The following SPTB variants were observed in gnomAD, a reference collection of about 807,000 sequenced individuals.
The protein encoded by SPTB is spectrin beta chain, erythrocytic.
In SPTB, 45 loss-of-function variants were observed where a neutral mutation model predicts 256.2. The observed-to-expected ratio is 0.18, with a 90% CI of 0.14 to 0.23. The LOEUF (loss-of-function observed/expected upper bound fraction) is 0.23, where lower values mean the gene tolerates loss of function less well. Ranked by LOEUF, SPTB falls within the 10% of genes least tolerant of loss-of-function variation. SPTB has a pLI of 1.00. For missense variants in SPTB, 2,715 were observed against 3,040.4 expected, an observed-to-expected ratio of 0.89 and a Z score of 2.52; for synonymous variants, 1,231 against 1,243.1, an observed-to-expected ratio of 0.99 and a Z score of 0.21.
At chr14:64,830,784 C>A (rs552976712) in intron 1 of SPTB, among the ~76,000 whole-genome samples, 1 of 152,190 alleles carries the variant, frequency 6.6e-6, no homozygotes, top group African/African-American at 2.4e-5. Flanking sequence ...AGCCCTGCAC[C>A]ATTTGGTGCT....
rs1232670173 is a variant in SPTB at position 64,825,444 on chromosome 14, AC to A, written c.-51-2300del. Among the ~76,000 whole-genome samples the A allele has an allele frequency of 3.3e-5, 5 of 150,032 alleles. No individual in the cohort carries two copies. The highest frequency in any genetic ancestry group is 2.6e-4 in the Admixed American group (4 of 15,116). ...CTGGGCAACGATAGCCGGGAAAGAT[AC>A]CCCCCACCCCCGGCCCCACACCTTT... On this transcript the variant is annotated intron_variant, in intron 1 of 35. Transcript: ENST00000644917. This position sits in a 1 kb window ranked among gnomAD's most constrained non-coding sequence, Gnocchi z 4.8.
chr14:64,834,365 G>C (rs2083490018), intron 1 of SPTB, among the ~76,000 whole-genome samples: 1 of 151,024 alleles, frequency 6.6e-6, no homozygotes. Context: ...TCTCCTGCTA[G>C]ACTGTGTGGC....
At chr14:64,813,554 C>T (rs1022575178) in intron 2 of SPTB, among the ~76,000 whole-genome samples, 2 of 152,154 alleles carry the variant, frequency 1.3e-5, no homozygotes, top group Non-Finnish European at 2.9e-5. Flanking sequence ...TGGAGTCTCC[C>T]TCTGTCGCCC....
rs953975604 is a variant in SPTB at position 64,749,181 on chromosome 14, C to T, written c.*125G>A. ...AGCTTTTGCAGTGCAGCGTGGGGCC[C>T]GGGGGCCCGGCCCGCGACTCGACTC... On this transcript the variant is annotated 3_prime_UTR_variant, in exon 36 of 36. Transcript: ENST00000644917. This position sits in a 1 kb window ranked among gnomAD's most constrained non-coding sequence, Gnocchi z 4.7. The T allele has an allele frequency of 1.1e-5, 14 of 1,225,224 alleles. 1 individual carries two copies. The highest frequency in any genetic ancestry group is 8.2e-5 in the South Asian group (6 of 72,794). 75.9% of individuals were successfully genotyped at this position (1,225,224 alleles called of 1,614,324 possible).
chr14:64,763,974 G>T, intron 32 of SPTB: 1 of 486,560 alleles, frequency 2.1e-6, no homozygotes. Context: ...GAGCAGGGGT[G>T]CCTGGTCCAC....
At chr14:64,765,524 G>T (rs1486987789) in intron 32 of SPTB, among the ~76,000 whole-genome samples, 3 of 152,124 alleles carry the variant, frequency 2.0e-5, no homozygotes, top group Non-Finnish European at 2.9e-5. Flanking sequence ...CTTGAGCCAG[G>T]CCTCTGGCTC....
At position 64,767,783 on chromosome 14, in the gene SPTB, G is replaced by A; in HGVS notation, c.6099C>T (p.Ala2033=). 5 of 1,614,156 alleles carry A rather than the reference G, an allele frequency of 3.1e-6. No individual in the cohort carries two copies. The highest frequency in any genetic ancestry group is 4.2e-6 in the Non-Finnish European group (5 of 1,180,026). The change falls in exon 30 of 36, where the codon GCC becomes GCT. Residue 2033 remains alanine, a synonymous_variant. Coordinates refer to ENST00000644917, the MANE Select transcript of SPTB (RefSeq NM_001355436.2). ...AWLIAQEPYL[A]SGDFGHTVDS... Reference sequence around the variant, plus strand: ...CCACTGTGTGTCCAAAGTCCCCGCTGGCCAGGTAGGGCTCCTGGGCAATCA... The same window carrying A: ...CCACTGTGTGTCCAAAGTCCCCGCTAGCCAGGTAGGGCTCCTGGGCAATCA...
In SPTB at chr14:64,801,420, G is replaced by T. The variant is rs764481254; in HGVS notation, c.648-20C>A. On this transcript the variant is annotated intron_variant, in intron 6 of 35. Transcript: ENST00000644917. ...TCGGGCCTGGGGACAAAACTGGACT[G>T]TGAAAAGGGAGTAGCCACAGCATCC... 4 of 1,580,766 alleles carry T rather than the reference G, an allele frequency of 2.5e-6. No homozygotes were observed. Among genetic ancestry groups the T allele is most frequent in the Non-Finnish European group, 3.5e-6 (4 of 1,149,946 alleles).
At position 64,777,679 on chromosome 14, in the gene SPTB, C is replaced by T. The variant is rs1267518473; in HGVS notation, c.4563+1478G>A. On this transcript the variant is annotated intron_variant, in intron 22 of 35. Coordinates refer to ENST00000644917, the MANE Select transcript of SPTB (RefSeq NM_001355436.2). This position sits in a 1 kb window ranked among gnomAD's most constrained non-coding sequence, Gnocchi z 4.5. Reference sequence around the variant, plus strand: ...ATCTGGGGGTGGCACCTGGTTAAGTCGTGTAAACTCACCCAGAAGGCTTGT... The same window carrying T: ...ATCTGGGGGTGGCACCTGGTTAAGTTGTGTAAACTCACCCAGAAGGCTTGT... 1.3e-5 allele frequency among the ~76,000 whole-genome samples: 2 copies of T among 152,138 alleles called. No homozygotes were observed. Among genetic ancestry groups the T allele is most frequent in the Non-Finnish European group, 2.9e-5 (2 of 68,026 alleles).
At chr14:64,803,859 G>A (rs928576997) in intron 3 of SPTB, 79 bp from the exon 4 acceptor site, 10 of 1,473,566 alleles carry the variant, frequency 6.8e-6, no homozygotes, top group Non-Finnish European at 9.2e-6. Context: ...ACCAGCTCCT[G>A]TCATAAGCAC....
chr14:64,846,032 T>G (rs963377282), intron 1 of SPTB, among the ~76,000 whole-genome samples: 8 of 152,226 alleles, frequency 5.3e-5, no homozygotes, highest in Non-Finnish European at 2.9e-5. Flanking sequence ...CACAGCCTAA[T>G]GCACCCAGTG....
rs1400362433 is a variant in SPTB, at chr14:64,746,589, T to A, written c.*2717A>T. On this transcript the variant is annotated 3_prime_UTR_variant, in exon 36 of 36. Coordinates refer to ENST00000644917, the MANE Select transcript of SPTB (RefSeq NM_001355436.2). This position sits in a 1 kb window ranked among gnomAD's most constrained non-coding sequence, Gnocchi z 4.9. ...CCTAGGGGACCCTGGCTCCCTCCGA[T>A]AGGCAGGAAGGAGGAGGGATGCGGA... 1 of 152,398 alleles carries A rather than the reference T, an allele frequency of 6.6e-6. No individual in the cohort carries two copies. Among genetic ancestry groups the A allele is most frequent in the Non-Finnish European group, 1.5e-5 (1 of 68,042 alleles). The allele number at this position is 152,398 out of a possible 1,614,324, so 9.4% of individuals were successfully genotyped here.
chr14:64,782,195 G>A, intron 20 of SPTB, 95 bp downstream of exon 20: 2 of 1,569,888 alleles, frequency 1.3e-6, no homozygotes, highest in African/African-American at 1.3e-5. Flanking sequence ...ACCTTCACAT[G>A]TACCCCCAAA....
rs2081878626 is a variant in SPTB, at chr14:64,748,203, A to G, written c.*1103T>C. On this transcript the variant is annotated 3_prime_UTR_variant, in exon 36 of 36. Transcript: ENST00000644917. ...GCTGCGTCTGCCACCCCGAGAAAAC[A>G]GATGATCAACTTTACTGTCTGCCCA... is the stretch of plus-strand genomic sequence containing the variant. 1 of 149,710 alleles carries G rather than the reference A, an allele frequency of 6.7e-6. No individual in the cohort carries two copies. Among genetic ancestry groups the G allele is most frequent in the South Asian group, 2.1e-4 (1 of 4,818 alleles). The allele number at this position is 149,710 out of a possible 1,614,324, so 9.3% of individuals were successfully genotyped here.
chr14:64,766,180 GTGTA>G (rs780586235), intron 32 of SPTB, among the ~76,000 whole-genome samples: 4 of 149,570 alleles, frequency 2.7e-5, no homozygotes, highest in Non-Finnish European at 5.9e-5. Flanking sequence ...GTATGTGTGT[GTGTA>G]TGTGTATGTG....
chr14:64,822,619 T>C (rs2083313303), intron 2 of SPTB, among the ~76,000 whole-genome samples: 1 of 152,132 alleles, frequency 6.6e-6, no homozygotes. Flanking sequence ...CCTGTGAACC[T>C]GCGCCCGGCT....
rs1413134087 is a variant in SPTB, at chr14:64,773,379, T to C, written c.5019A>G (p.Ala1673=). 4 of 1,614,110 alleles carry C rather than the reference T, an allele frequency of 2.5e-6. No individual in the cohort carries two copies. The highest frequency in any genetic ancestry group is 1.7e-5 in the Admixed American group (1 of 60,016). The change falls in exon 25 of 36, where the codon GCA becomes GCG. Residue 1673 remains alanine (A), a synonymous_variant. Transcript: ENST00000644917. ...RLQGQVDKHY[A]GLKDVAEERK... is the part of the protein sequence containing the mutation. ...GCTCTTCCGCCACGTCCTTCAGCCC[T>C]GCGTAGTGCTTGTCCACTTGCCCCT...
At position 64,769,130 on chromosome 14, in the gene SPTB, A is replaced by G; in HGVS notation, c.5938-12T>C. The G allele has an allele frequency of 1.2e-6, 2 of 1,612,488 alleles. No homozygotes were observed. The highest frequency in any genetic ancestry group is 1.7e-6 in the Non-Finnish European group (2 of 1,179,326). On this transcript the variant is annotated splice_polypyrimidine_tract_variant and intron_variant, in intron 28 of 35. Coordinates refer to ENST00000644917, the MANE Select transcript of SPTB (RefSeq NM_001355436.2). ...AGTTTCTCGCGGATCTATGGGGAGG[A>G]AAGGGAGAAAAGCTCAGGCTTGGCT... is the stretch of plus-strand genomic sequence containing the variant.
At chr14:64,821,728 G>T (rs1182742133) in intron 2 of SPTB, among the ~76,000 whole-genome samples, 1 of 152,198 alleles carries the variant, frequency 6.6e-6, no homozygotes, top group African/African-American at 2.4e-5. Context: ...AAGAAAGAGA[G>T]TTTCCTGTAA....
Sources: gnomAD v4.1 joint callset for allele counts (sites outside exome capture counted in the v4.1 genomes callset) on GRCh38, gnomAD v4.1.1 for gene constraint, Gnocchi (gnomAD v3.1) non-coding constraint, MANE v1.5 for transcripts, NCBI Gene and HGNC (gene_info 2026-07-23, HGNC 2026-07-21) for gene names.